RABGEF1: variants seen among roughly 807,000 people sequenced by gnomAD.
RABGEF1 encodes the protein RAB guanine nucleotide exchange factor 1.
Under a neutral mutation model 57.3 loss-of-function variants are expected in RABGEF1, and 26 were observed. That is an observed-to-expected ratio of 0.45 (90% CI 0.33 to 0.63). RABGEF1 has a LOEUF of 0.63. Ranked by LOEUF, RABGEF1 falls within the 20% of genes least tolerant of loss-of-function variation. The probability of loss-of-function intolerance (pLI) is 0.02; values close to 1 mark genes in which losing one functional copy is unlikely to be tolerated. For synonymous variants in RABGEF1, 185 were observed against 210.7 expected (o/e 0.88, Z 1.06); for missense variants, 464 against 607.6 (o/e 0.76, Z 2.48).
chr7:66,783,230 TA>T (rs1810381289), intron 3 of RABGEF1, among the ~76,000 whole-genome samples: 1 of 152,234 alleles, frequency 6.6e-6, no homozygotes, highest in African/African-American at 2.4e-5. Context: ...TTTTCTCAAG[TA>T]AAATGGGATT....
At position 66,716,653 on chromosome 7, in the gene RABGEF1, CT is replaced by C. The variant is rs534547578; in HGVS notation, c.-815+4436del. 2.3e-3 allele frequency among the ~76,000 whole-genome samples: 344 copies of C among 151,878 alleles called. 2 individuals carry two copies. The highest frequency in any genetic ancestry group is 8.1e-3 in the African/African-American group (336 of 41,418). On this transcript the variant is annotated intron_variant and NMD_transcript_variant, in intron 2 of 9. Transcript: ENST00000607882. Reference sequence around the variant, plus strand: ...GCAGCAACAAAATGTATAGTCATGTCTTTTTTTAAAAAAAACTCTTCTGTCA... The same window carrying C: ...GCAGCAACAAAATGTATAGTCATGTCTTTTTTAAAAAAAACTCTTCTGTCA...
intron 1 of RABGEF1, among the ~76,000 whole-genome samples, chr7:66,707,302 A>G (rs185965097): frequency 3.9e-5 from 6 of 152,218 alleles, no homozygotes; most frequent in Admixed American, 2.6e-4. Context: ...TGTGTATCAT[A>G]TTGTTGTTGG....
At chr7:66,698,994 G>A (rs372561350) in intron 1 of RABGEF1, among the ~76,000 whole-genome samples, 15 of 152,334 alleles carry the variant, frequency 9.8e-5, no homozygotes, top group East Asian at 9.6e-4. Flanking sequence ...AGTCCAGCCC[G>A]TCCTTCAGTC....
rs1352254804 is a variant in RABGEF1, at chr7:66,775,328, A to C, written c.281A>C (p.Lys94Thr). 6.2e-7 allele frequency: 1 copy of C among 1,613,998 alleles called. No individual in the cohort carries two copies. The highest frequency in any genetic ancestry group is 2.2e-5 in the East Asian group (1 of 44,886). Reference protein sequence around the residue: ...SKFEEKKTNEKTRKVTTVKKF... With the variant: ...SKFEEKKTNETTRKVTTVKKF... ...TTTGAAGAAAAGAAAACCAACGAGA[A>C]GACCCGCAAGGTTACCACAGTGAAG... Residue 94 changes from lysine to threonine, a missense_variant, in exon 3 of 9, where the codon AAG (lysine) becomes ACG (threonine). Physicochemically the swap from Lys to Thr is moderately conservative, Grantham distance 78 (BLOSUM62 -1). Coordinates refer to ENST00000284957, the MANE Select transcript of RABGEF1 (RefSeq NM_014504.3).
rs564008725 is a variant in RABGEF1 at position 66,732,604 on chromosome 7, C to G, written c.-814-7392C>G. Among the ~76,000 whole-genome samples the G allele has an allele frequency of 1.3e-4, 20 of 152,246 alleles. No individual in the cohort carries two copies. In the South Asian group the frequency reaches 3.9e-3, roughly 30 times the overall value. On this transcript the variant is annotated intron_variant and NMD_transcript_variant, in intron 2 of 9. Transcript: ENST00000607882. ...GTGAAACCGACAGTCTCCCCAGAGTCCAGGCAGCCCTCTATAACCACCCCC... is the reference window on the plus strand; with the variant it reads ...GTGAAACCGACAGTCTCCCCAGAGTGCAGGCAGCCCTCTATAACCACCCCC...
intron 2 of RABGEF1, among the ~76,000 whole-genome samples, chr7:66,714,035 G>C (rs1363945580): frequency 4.6e-5 from 7 of 152,076 alleles, no homozygotes. Context: ...TTCTGTTTTT[G>C]TACTACCATA....
At chr7:66,786,173 T>C (rs1409631576) in intron 4 of RABGEF1, among the ~76,000 whole-genome samples, 3 of 152,214 alleles carry the variant, frequency 2.0e-5, no homozygotes, top group Non-Finnish European at 4.4e-5. Flanking sequence ...TATATGCCGG[T>C]GGTGAGCAGC....
chr7:66,662,748 C>CGT, the RABGEF1 span, among the ~76,000 whole-genome samples: 1 of 150,544 alleles, frequency 6.6e-6, no homozygotes, highest in African/African-American at 2.4e-5. Flanking sequence ...TGTGCAGGCA[C>CGT]GTGTGTGCAG....
chr7:66,751,964 A>G (rs1394016926), intron 1 of RABGEF1, among the ~76,000 whole-genome samples: 1 of 151,808 alleles, frequency 6.6e-6, no homozygotes, highest in Admixed American at 6.6e-5. Context: ...TGGGAAGCCA[A>G]GGTGGGAGGC....
intron 2 of RABGEF1, among the ~76,000 whole-genome samples, chr7:66,725,278 C>T (rs1289735850): frequency 2.0e-5 from 3 of 152,146 alleles, no homozygotes; most frequent in African/African-American, 7.2e-5. Context: ...GAGAATTGTA[C>T]ATCCATCATC....
the RABGEF1 span, among the ~76,000 whole-genome samples, chr7:66,656,686 G>T: frequency 1.3e-5 from 2 of 151,996 alleles, no homozygotes; most frequent in African/African-American, 4.8e-5. Context: ...CGGCTGTGAT[G>T]GCACCTGCTT....
intron 1 of RABGEF1, among the ~76,000 whole-genome samples, chr7:66,682,853 A>C (rs1245580462): frequency 6.6e-6 from 1 of 152,090 alleles, no homozygotes; most frequent in Non-Finnish European, 1.5e-5. Context: ...AGAAGTCCCT[A>C]TTTCCGAACC....
intron 1 of RABGEF1, among the ~76,000 whole-genome samples, chr7:66,684,657 C>G (rs1322021162): frequency 1.3e-5 from 2 of 152,066 alleles, no homozygotes; most frequent in Non-Finnish European, 2.9e-5. Context: ...GTTTTTGATA[C>G]TGAGTCTCAC....
chr7:66,767,496 G>A (rs1464194960), intron 1 of RABGEF1, among the ~76,000 whole-genome samples: 5 of 152,116 alleles, frequency 3.3e-5, no homozygotes, highest in Non-Finnish European at 7.4e-5. Flanking sequence ...GTTCCTAAAT[G>A]GAATCATATA....
At chr7:66,787,580 C>A (rs749171763) in intron 4 of RABGEF1, among the ~76,000 whole-genome samples, 7 of 151,432 alleles carry the variant, frequency 4.6e-5, no homozygotes, top group Non-Finnish European at 1.0e-4. Flanking sequence ...CCTAGCCTCA[C>A]ATGATCCGCC....
chr7:66,691,037 G>T (rs1562698669), intron 1 of RABGEF1, among the ~76,000 whole-genome samples: 1 of 152,152 alleles, frequency 6.6e-6, no homozygotes, highest in Non-Finnish European at 1.5e-5. Flanking sequence ...GTTGCAGTGA[G>T]CCGTGATCGT....
intron 1 of RABGEF1, among the ~76,000 whole-genome samples, chr7:66,771,465 A>G (rs1223444732): frequency 2.0e-5 from 3 of 152,126 alleles, no homozygotes; most frequent in South Asian, 4.2e-4. Context: ...GTTTGATATA[A>G]TGTATTTGTC....
chr7:66,753,700 C>CTTTTT (rs1562788670), intron 1 of RABGEF1, among the ~76,000 whole-genome samples: 3 of 78,506 alleles, frequency 3.8e-5, no homozygotes, highest in Non-Finnish European at 8.4e-5. Context: ...ATTTTGCCAT[C>CTTTTT]GTTTTTTTTT....
At position 66,776,592 on chromosome 7, in the gene RABGEF1, G is replaced by C. The variant is rs1647295862; in HGVS notation, c.346+1199G>C. On this transcript the variant is annotated intron_variant, in intron 3 of 8. Transcript: ENST00000284957. Reference sequence around the variant, plus strand: ...CCTGTAGTTCCAGCTGAGGCCAGAAGGCTGAGGCAGGAGAATCATTTGAAT... The same window carrying C: ...CCTGTAGTTCCAGCTGAGGCCAGAACGCTGAGGCAGGAGAATCATTTGAAT... Among the ~76,000 whole-genome samples the C allele has an allele frequency of 6.6e-5, 10 of 152,284 alleles. No homozygotes were observed. In the South Asian group the frequency reaches 2.1e-3, roughly 32 times the overall value.
Sources: allele counts gnomAD v4.1 joint callset (sites outside exome capture counted in the v4.1 genomes callset), GRCh38; gene constraint gnomAD v4.1.1; transcripts MANE v1.5; gene names NCBI Gene and HGNC (gene_info 2026-07-23, HGNC 2026-07-21).